CTDSPL2: variants seen among roughly 807,000 people sequenced by gnomAD.
CTDSPL2 encodes CTD small phosphatase like 2, also known as CTD small phosphatase-like protein 2.
A neutral mutation model predicts 60.0 loss-of-function variants in CTDSPL2; 5 were observed. That is an observed-to-expected ratio of 0.08 (90% CI 0.04 to 0.18). CTDSPL2 has a LOEUF of 0.18. Among genes scored for constraint, CTDSPL2 ranks in the 10% least tolerant of loss-of-function variants. The pLI is 1.00. For synonymous variants in CTDSPL2, 186 were observed against 189.3 expected (o/e 0.98, Z 0.14); for missense variants, 370 against 548.8 (o/e 0.67, Z 3.26).
chr15:44,506,421 T>A (rs2140846563), intron 8 of CTDSPL2, among the ~76,000 whole-genome samples: 1 of 146,366 alleles, frequency 6.8e-6, no homozygotes, highest in African/African-American at 2.6e-5. Context: ...ACTTTTTTTT[T>A]TTTTTTTTTT....
At chr15:44,485,464 C>A (rs2081101486) in intron 3 of CTDSPL2, among the ~76,000 whole-genome samples, 1 of 152,182 alleles carries the variant, frequency 6.6e-6, no homozygotes, top group Non-Finnish European at 1.5e-5. Context: ...CATCTCAGAT[C>A]ATCAGACATT....
intron 4 of CTDSPL2, among the ~76,000 whole-genome samples, chr15:44,488,772 T>C (rs2081165130): frequency 6.6e-6 from 1 of 152,204 alleles, no homozygotes; most frequent in Middle Eastern, 3.4e-3. Flanking sequence ...TGAGCTGAGA[T>C]CGCACCATTG....
intron 1 of CTDSPL2, among the ~76,000 whole-genome samples, chr15:44,451,781 T>C (rs1194618610): frequency 6.6e-6 from 1 of 152,226 alleles, no homozygotes; most frequent in Non-Finnish European, 1.5e-5. Context: ...CTCCCTGCAG[T>C]ATGCAAACAC....
At chr15:44,469,666 TTG>T (rs768988782) in intron 2 of CTDSPL2, among the ~76,000 whole-genome samples, 25 of 152,190 alleles carry the variant, frequency 1.6e-4, no homozygotes, top group Non-Finnish European at 3.2e-4. Context: ...CTATATGTAT[TTG>T]GGAATATATG....
chr15:44,477,408 G>T (rs1232948783), intron 2 of CTDSPL2, among the ~76,000 whole-genome samples: 1 of 151,630 alleles, frequency 6.6e-6, no homozygotes, highest in African/African-American at 2.4e-5. Context: ...CTTGGTGTGT[G>T]CCTGTAGTCC....
At chr15:44,446,192 G>A (rs1403506255) in intron 1 of CTDSPL2, among the ~76,000 whole-genome samples, 3 of 152,066 alleles carry the variant, frequency 2.0e-5, no homozygotes, top group East Asian at 3.9e-4. Flanking sequence ...CCAAAGTGCT[G>A]GGATTACAGG....
At chr15:44,500,800 A>T (rs60080081) in intron 8 of CTDSPL2, among the ~76,000 whole-genome samples, 6,200 of 152,268 alleles carry the variant, frequency 0.041, 462 homozygotes, top group African/African-American at 0.14. Flanking sequence ...TACTTTGTCT[A>T]GTAATGAGTT....
intron 7 of CTDSPL2, 144 bp downstream of exon 7, chr15:44,497,282 A>G (rs1268254309): frequency 1.9e-6 from 1 of 519,322 alleles, no homozygotes; most frequent in African/African-American, 1.9e-5. Flanking sequence ...TTAATTAACC[A>G]TATGCAAGAC....
chr15:44,449,858 G>GTAC (rs1194282069), intron 1 of CTDSPL2, among the ~76,000 whole-genome samples: 1 of 152,042 alleles, frequency 6.6e-6, no homozygotes, highest in Non-Finnish European at 1.5e-5. Context: ...AGGCATGGTG[G>GTAC]TACATGCCTC....
intron 10 of CTDSPL2, among the ~76,000 whole-genome samples, chr15:44,515,342 G>T (rs948816902): frequency 6.6e-6 from 1 of 152,130 alleles, no homozygotes; most frequent in Non-Finnish European, 1.5e-5. Flanking sequence ...AGTCACTCAG[G>T]TTATCCTGAC....
chr15:44,439,554 G>C (rs542427439), intron 1 of CTDSPL2, among the ~76,000 whole-genome samples: 1 of 150,106 alleles, frequency 6.7e-6, no homozygotes, highest in African/African-American at 2.4e-5. Context: ...GGGGGGGGGG[G>C]AATATTTGCA....
chr15:44,476,347 C>T (rs1029711536), intron 2 of CTDSPL2, among the ~76,000 whole-genome samples: 3 of 151,880 alleles, frequency 2.0e-5, no homozygotes, highest in Admixed American at 6.6e-5. Flanking sequence ...ATTACAGTCG[C>T]GAGCCACTGC....
chr15:44,516,850 TTTG>T (rs921022542), intron 10 of CTDSPL2: 2 of 95,528 alleles, frequency 2.1e-5, no homozygotes, highest in Admixed American at 2.2e-4. Context: ...TGTTTGTTTG[TTTG>T]TTGTTTGAAA....
intron 8 of CTDSPL2, chr15:44,503,697 G>A (rs571060960): frequency 6.6e-6 from 1 of 152,272 alleles, no homozygotes; most frequent in East Asian, 1.9e-4. Context: ...GCAGCCAAAC[G>A]TAACTGTGTT....
chr15:44,443,279 G>A (rs146914610), intron 1 of CTDSPL2, among the ~76,000 whole-genome samples: 57 of 152,158 alleles, frequency 3.7e-4, no homozygotes, highest in African/African-American at 1.3e-3. Flanking sequence ...TTGTGTGTAC[G>A]TACCACATTT....
rs2081858412 is a variant in CTDSPL2 at position 44,525,509 on chromosome 15, TG to T, written c.*1336del. The T allele has an allele frequency of 2.5e-6, 1 of 398,902 alleles. No individual in the cohort carries two copies. The highest frequency in any genetic ancestry group is 4.4e-6 in the Non-Finnish European group (1 of 225,926). 24.7% of individuals were successfully genotyped at this position (398,902 alleles called of 1,614,324 possible). On this transcript the variant is annotated 3_prime_UTR_variant, in exon 13 of 13. Transcript: ENST00000260327. The stretch of plus-strand genomic sequence containing the variant: ...GCATTAACATGCCACAGGCTCAGAC[TG>T]TTTTTGTGTAAAGGATGTCAAAGAA...
chr15:44,435,385 C>G (rs190236540), intron 1 of CTDSPL2, among the ~76,000 whole-genome samples: 1 of 151,932 alleles, frequency 6.6e-6, no homozygotes, highest in East Asian at 2.0e-4. Context: ...GCTTGGCCAA[C>G]ATGGCGAAAC....
intron 7 of CTDSPL2, among the ~76,000 whole-genome samples, chr15:44,498,504 T>C (rs746840330): frequency 3.3e-5 from 5 of 152,090 alleles, no homozygotes; most frequent in Non-Finnish European, 7.4e-5. Flanking sequence ...GAGGATCCCT[T>C]GAGGCCAGGA....
Position 44,490,766 on chromosome 15 carries a change from A to T in CTDSPL2, c.476-18A>T, listed in dbSNP as rs1200031803. 8 of 1,595,690 alleles carry T rather than the reference A, an allele frequency of 5.0e-6. No individual in the cohort carries two copies. The highest frequency in any genetic ancestry group is 2.2e-5 in the East Asian group (1 of 44,762). ...GTGCATTTTTAAATGATGATAGTAC[A>T]CTGAATCATGATTTCAGGAACGTCA... is the stretch of plus-strand genomic sequence containing the variant. On this transcript the variant is annotated intron_variant, in intron 4 of 12. Transcript: ENST00000260327.
Sources: allele counts gnomAD v4.1 joint callset (sites outside exome capture counted in the v4.1 genomes callset), GRCh38; gene constraint gnomAD v4.1.1; transcripts MANE v1.5; gene names NCBI Gene and HGNC (gene_info 2026-07-23, HGNC 2026-07-21).